The following INSL6 variants were observed in gnomAD, a reference collection of about 807,000 sequenced individuals.
INSL6 encodes the protein insulin like 6.
In INSL6, 16 loss-of-function variants were observed where a neutral mutation model predicts 9.4. The ratio of observed to expected loss-of-function variants is 1.70; its 90% CI spans 1.15 to 2.59. The LOEUF is 2.59. Ranked by LOEUF, INSL6 falls within the 30% of genes most tolerant of loss-of-function variation. INSL6 has a pLI of 0.00. For missense variants in INSL6, 391 were observed against 257.3 expected, an observed-to-expected ratio of 1.52 and a Z score of -3.56; for synonymous variants, 154 against 96.9, an observed-to-expected ratio of 1.59 and a Z score of -3.46.
chr9:5,008,650 T>A, the INSL6 span, among the ~76,000 whole-genome samples: 1 of 152,226 alleles, frequency 6.6e-6, no homozygotes, highest in African/African-American at 2.4e-5. Flanking sequence ...AACTGAACTC[T>A]TTTAGAGTTT....
At chr9:5,080,624 C>T in the INSL6 span, 3 of 1,607,172 alleles carry the variant, frequency 1.9e-6, no homozygotes, top group African/African-American at 4.1e-5. Context: ...GATTATGAAC[C>T]AGATTTCAGG....
At chr9:5,114,317 G>C in the INSL6 span, 1 of 542,834 alleles carries the variant, frequency 1.8e-6, no homozygotes, top group South Asian at 1.6e-5. Context: ...AGGCCAGTGG[G>C]AAGTCTGTGG....
At chr9:5,050,596 T>C in the INSL6 span, 1 of 1,338,522 alleles carries the variant, frequency 7.5e-7, no homozygotes, top group East Asian at 2.4e-5. Context: ...AATGCATATG[T>C]TCTGAAAATT....
the INSL6 span, among the ~76,000 whole-genome samples, chr9:5,115,668 C>G: frequency 3.3e-5 from 5 of 152,146 alleles, no homozygotes; most frequent in African/African-American, 1.2e-4. Context: ...ACCCAAATGC[C>G]CATCAATGAT....
At chr9:5,020,629 A>G in the INSL6 span, among the ~76,000 whole-genome samples, 1 of 152,282 alleles carries the variant, frequency 6.6e-6, no homozygotes, top group East Asian at 1.9e-4. Flanking sequence ...CTCAGGGTGC[A>G]TGCAAATTTG....
the INSL6 span, chr9:5,055,530 C>A: frequency 2.8e-5 from 17 of 598,880 alleles, no homozygotes; most frequent in Non-Finnish European, 4.4e-5. Context: ...TAGAGTAAAT[C>A]ACGTTTAATG....
At chr9:5,123,216 A>C (rs972759720), downstream of INSL6, 8 of 730,996 alleles carry the variant, frequency 1.1e-5, no homozygotes, top group African/African-American at 1.8e-5. Flanking sequence ...ACATGCATAC[A>C]TTGCATAGTG....
At chr9:5,112,383 GA>G in the INSL6 span, 1 of 425,680 alleles carries the variant, frequency 2.3e-6, no homozygotes, top group South Asian at 2.7e-5. Flanking sequence ...GGCCACTGGG[GA>G]AATCAAGCGG....
At chr9:5,042,064 C>A in the INSL6 span, 1 of 236,326 alleles carries the variant, frequency 4.2e-6, no homozygotes, top group Non-Finnish European at 8.4e-6. Context: ...AGGGTCTTGG[C>A]CGGCGGCCCC....
chr9:5,036,219 G>A, the INSL6 span, among the ~76,000 whole-genome samples: 96,203 of 151,778 alleles, frequency 0.63, 32,448 homozygotes, highest in African/African-American at 0.88. Context: ...GCTCAATGAA[G>A]TAAAAGAGGA....
chr9:5,143,312 C>T (rs1394571538), intron 2 of INSL6, among the ~76,000 whole-genome samples: 6 of 151,594 alleles, frequency 4.0e-5, no homozygotes, highest in African/African-American at 1.2e-4. Flanking sequence ...GCTGTGAATC[C>T]GTCTGGTCCT....
the INSL6 span, chr9:5,078,254 C>T: frequency 4.1e-6 from 6 of 1,470,370 alleles, no homozygotes; most frequent in Admixed American, 7.2e-5. Context: ...ATACTAAATG[C>T]TCCAGTACTT....
intron 2 of INSL6, among the ~76,000 whole-genome samples, chr9:5,144,051 A>G (rs1824553123): frequency 6.6e-6 from 1 of 152,022 alleles, no homozygotes; most frequent in African/African-American, 2.4e-5. Flanking sequence ...TAGCTTTGGA[A>G]TTTGTTTGCT....
At chr9:5,103,220 GCA>G in the INSL6 span, among the ~76,000 whole-genome samples, 1 of 6,904 alleles carries the variant, frequency 1.4e-4, no homozygotes, top group Non-Finnish European at 2.6e-4. Context: ...CAAAGGGAAA[GCA>G]AAAAAAAAAA....
chr9:5,048,063 T>C, the INSL6 span, among the ~76,000 whole-genome samples: 1 of 152,232 alleles, frequency 6.6e-6, no homozygotes. Context: ...CACTCATTTT[T>C]CATATATTTA....
At chr9:4,996,928 CTTTTTTTTTTT>C in the INSL6 span, among the ~76,000 whole-genome samples, 2 of 94,708 alleles carry the variant, frequency 2.1e-5, no homozygotes, top group Admixed American at 1.1e-4. Context: ...TTAGTTTGTT[CTTTTTTTTTTT>C]TTTTTTTTTT....
At chr9:5,094,326 C>G in the INSL6 span, 1 of 152,266 alleles carries the variant, frequency 6.6e-6, no homozygotes. Context: ...TCACCCTCCT[C>G]TTCTGGACTC....
the INSL6 span, among the ~76,000 whole-genome samples, chr9:5,117,845 G>A: frequency 6.6e-6 from 1 of 152,128 alleles, no homozygotes; most frequent in Non-Finnish European, 1.5e-5. Context: ...TTGTATTAAT[G>A]AGAGGCTAAT....
intron 1 of INSL6, among the ~76,000 whole-genome samples, chr9:5,171,025 G>A (rs1018892509): frequency 6.6e-6 from 1 of 152,006 alleles, no homozygotes; most frequent in Admixed American, 6.6e-5. Context: ...AAACCTGACA[G>A]ATACAACAAC....
Sources: allele counts gnomAD v4.1 joint callset (sites outside exome capture counted in the v4.1 genomes callset), GRCh38; gene constraint gnomAD v4.1.1; transcripts MANE v1.5; gene names NCBI Gene and HGNC (gene_info 2026-07-23, HGNC 2026-07-21).